The following PRRT1B variants were observed in gnomAD, a reference collection of about 807,000 sequenced individuals.
The protein encoded by PRRT1B is proline rich transmembrane protein 1B.
In PRRT1B at chr9:131,554,801, G is replaced by T. The variant is rs932091560; in HGVS notation, c.270G>T (p.Ala90=). Reference sequence around the variant, plus strand: ...GCGAGGCCGGGCCGGTTTCCAAGGCGGCGGCCGGCGGCGCCCCCCACATCG... The same window carrying T: ...GCGAGGCCGGGCCGGTTTCCAAGGCTGCGGCCGGCGGCGCCCCCCACATCG... Residue 90 remains alanine, a synonymous_variant, in exon 2 of 4, where the codon GCG becomes GCT. Transcript: ENST00000636672. 276 of 348,776 alleles carry T rather than the reference G, an allele frequency of 7.9e-4. 1 individual carries two copies. The highest frequency in any genetic ancestry group is 1.2e-3 in the Non-Finnish European group (225 of 194,052). 21.6% of individuals were successfully genotyped at this position (348,776 alleles called of 1,614,324 possible).
At chr9:131,547,170 C>A (rs995226760) in intron 1 of PRRT1B, among the ~76,000 whole-genome samples, 4 of 146,730 alleles carry the variant, frequency 2.7e-5, no homozygotes, top group East Asian at 2.1e-4. Context: ...TTCCCAGGTT[C>A]AAGGGATTCT....
At chr9:131,556,777 G>A (rs1486893925) in intron 3 of PRRT1B, among the ~76,000 whole-genome samples, 5 of 151,994 alleles carry the variant, frequency 3.3e-5, no homozygotes, top group African/African-American at 9.7e-5. Context: ...GATTACAGAC[G>A]CCCACCACCA....
At chr9:131,554,362 GATGAGTC>G (rs1393064858) in intron 1 of PRRT1B, among the ~76,000 whole-genome samples, 188 bp from the exon 2 acceptor site, 21 of 152,340 alleles carry the variant, frequency 1.4e-4, no homozygotes, top group Admixed American at 3.9e-4. Flanking sequence ...TTCCCACCCA[GATGAGTC>G]GCTCAGTCTG....
intron 1 of PRRT1B, among the ~76,000 whole-genome samples, chr9:131,549,308 C>A (rs898624933): frequency 1.1e-4 from 16 of 152,226 alleles, no homozygotes; most frequent in African/African-American, 3.9e-4. Flanking sequence ...AACGCCTGAA[C>A]CGCAGCTGCC....
intron 1 of PRRT1B, among the ~76,000 whole-genome samples, chr9:131,547,499 GC>G (rs982751716): frequency 6.6e-6 from 1 of 151,888 alleles, no homozygotes; most frequent in Non-Finnish European, 1.5e-5. Flanking sequence ...CTATAAAACG[GC>G]CCCACCCCAT....
intron 1 of PRRT1B, among the ~76,000 whole-genome samples, chr9:131,546,995 C>G (rs889288000): frequency 2.0e-5 from 3 of 149,812 alleles, no homozygotes; most frequent in African/African-American, 7.4e-5. Flanking sequence ...AGCATAAAAA[C>G]AAAAGCGCGC....
intron 1 of PRRT1B, among the ~76,000 whole-genome samples, chr9:131,552,343 T>G (rs1951017518): frequency 6.6e-6 from 1 of 152,260 alleles, no homozygotes; most frequent in Admixed American, 6.5e-5. Context: ...CTGCTTTTTC[T>G]GAAAATTCCA....
At chr9:131,552,680 T>G (rs1951019589) in intron 1 of PRRT1B, among the ~76,000 whole-genome samples, 1 of 151,260 alleles carries the variant, frequency 6.6e-6, no homozygotes, top group Non-Finnish European at 1.5e-5. Flanking sequence ...CTCTAAGGTT[T>G]TTTTTTTTTT....
chr9:131,547,264 T>C (rs1440496002), intron 1 of PRRT1B, among the ~76,000 whole-genome samples: 5 of 152,026 alleles, frequency 3.3e-5, no homozygotes, highest in Admixed American at 2.6e-4. Context: ...GTGAACTGCA[T>C]GTACACATCC....
rs1290717087 is a variant in PRRT1B, at chr9:131,554,728, C to CG, written c.203dup (p.Ser69GlnfsTer155). On this transcript the variant is annotated frameshift_variant, in exon 2 of 4. Coordinates refer to ENST00000636672, the Ensembl canonical transcript of PRRT1B. LOFTEE classifies it high-confidence loss of function. Reference sequence around the variant, plus strand: ...GGGGCGCCCAGCGAGGACGGGGCCGCGGGGGGCAGCGAGCCCGCCCCGGAG... The same window carrying CG: ...GGGGCGCCCAGCGAGGACGGGGCCGCGGGGGGGCAGCGAGCCCGCCCCGGAG... 2.1e-5 allele frequency: 7 copies of CG among 336,004 alleles called. No homozygotes were observed. The highest frequency in any genetic ancestry group is 4.9e-5 in the Admixed American group (1 of 20,550). The allele number at this position is 336,004 out of a possible 1,614,324, so 20.8% of individuals were successfully genotyped here.
Position 131,554,738 on chromosome 9 carries a change from C to G in PRRT1B, c.207C>G (p.Ser69Arg), listed in dbSNP as rs868359248. 17 of 328,410 alleles carry G rather than the reference C, an allele frequency of 5.2e-5. No homozygotes were observed. The South Asian group carries it at 2.3e-3, about 45-fold the overall frequency. The allele number at this position is 328,410 out of a possible 1,614,324, so 20.3% of individuals were successfully genotyped here. A position where few individuals can be genotyped will look rare whatever the true frequency, so the allele number is the denominator to read the frequency against. ...GCGAGGACGGGGCCGCGGGGGGCAG[C>G]GAGCCCGCCCCGGAGGACGCCCCGG... The change falls in exon 2 of 4, where the codon AGC becomes AGG. Residue 69 changes from serine (S) to arginine (R), a missense_variant. Ser to Arg is a moderately radical substitution (Grantham distance 110). Transcript: ENST00000636672.
chr9:131,554,324 C>T (rs868568267), intron 1 of PRRT1B, among the ~76,000 whole-genome samples: 7 of 132,100 alleles, frequency 5.3e-5, no homozygotes, highest in Non-Finnish European at 9.7e-5. Flanking sequence ...TGGGACAGTG[C>T]GGGGAGGGGC....
At position 131,551,219 on chromosome 9, in the gene PRRT1B, G is replaced by C. The variant is rs1381340741; in HGVS notation, c.26-3338G>C. Among the ~76,000 whole-genome samples the C allele has an allele frequency of 6.6e-6, 1 of 151,932 alleles. No individual in the cohort carries two copies. The highest frequency in any genetic ancestry group is 1.9e-4 in the East Asian group (1 of 5,166). ...AGCCTCCCAAAATGCTGGGATTACG[G>C]GTGTGAGCCACCGCGCCCGACCTGC... is the stretch of plus-strand genomic sequence containing the variant. On this transcript the variant is annotated intron_variant, in intron 1 of 3. Coordinates refer to ENST00000636672, the Ensembl canonical transcript of PRRT1B. The surrounding 1 kb of genome is among the most constrained non-coding windows in gnomAD (Gnocchi z 4.4).
At chr9:131,548,264 C>T (rs1014011012) in intron 1 of PRRT1B, among the ~76,000 whole-genome samples, 10 of 152,198 alleles carry the variant, frequency 6.6e-5, no homozygotes, top group East Asian at 1.9e-4. Context: ...CCCTTCTCTC[C>T]GTATCTCTAC....
exon 4 of PRRT1B, chr9:131,558,460 C>T (rs572206254): frequency 6.8e-5 from 23 of 337,570 alleles, no homozygotes; most frequent in Admixed American, 9.7e-5. Context: ...CGGCCCCAGC[C>T]GTGGGACAGG....
intron 1 of PRRT1B, among the ~76,000 whole-genome samples, chr9:131,552,839 A>ATTTTTTTTTTTTTTTTTTTT (rs61662684): frequency 7.5e-6 from 1 of 133,800 alleles, no homozygotes; most frequent in Non-Finnish European, 1.6e-5. Context: ...CACCTGGTTA[A>ATTTTTTTTTTTTTTTTTTTT]TTTTTTTTTT....
chr9:131,548,924 T>A (rs1325716611), intron 1 of PRRT1B, among the ~76,000 whole-genome samples: 2 of 152,186 alleles, frequency 1.3e-5, no homozygotes, highest in East Asian at 3.8e-4. Context: ...AGGTTAATGC[T>A]CCCTTTTCTT....
chr9:131,552,281 A>G (rs1951017043), intron 1 of PRRT1B, among the ~76,000 whole-genome samples: 1 of 152,170 alleles, frequency 6.6e-6, no homozygotes, highest in Admixed American at 6.5e-5. Flanking sequence ...AGGAGGCCAC[A>G]ATGTCTGGCC....
At chr9:131,547,531 C>T (rs373401543) in intron 1 of PRRT1B, among the ~76,000 whole-genome samples, 28 of 152,278 alleles carry the variant, frequency 1.8e-4, no homozygotes, top group South Asian at 8.3e-4. Flanking sequence ...TGACTCTTTT[C>T]GGACTCAGCC....
Sources: gnomAD v4.1 joint callset for allele counts (sites outside exome capture counted in the v4.1 genomes callset) on GRCh38, gnomAD v4.1.1 for gene constraint, Gnocchi (gnomAD v3.1) non-coding constraint, MANE v1.5 for transcripts, NCBI Gene and HGNC (gene_info 2026-07-23, HGNC 2026-07-21) for gene names.